The following PIEZO2 variants were observed in gnomAD, a reference collection of about 807,000 sequenced individuals.
PIEZO2 encodes piezo type mechanosensitive ion channel component 2.
In PIEZO2, 172 loss-of-function variants were observed where a neutral mutation model predicts 337.3. The observed-to-expected ratio is 0.51, with a 90% CI of 0.45 to 0.58. The LOEUF is 0.58. Ranked by LOEUF, PIEZO2 falls within the 20% of genes least tolerant of loss-of-function variation. PIEZO2 has a pLI of 0.00. For synonymous variants in PIEZO2, 1,251 were observed against 1,228.5 expected (o/e 1.02, Z -0.38); for missense variants, 3,028 against 3,391.3 (o/e 0.89, Z 2.66).
intron 2 of PIEZO2, among the ~76,000 whole-genome samples, chr18:11,051,600 T>G (rs1233405595): frequency 6.6e-6 from 1 of 152,144 alleles, no homozygotes; most frequent in Non-Finnish European, 1.5e-5. Flanking sequence ...GAGCACATAT[T>G]CACAAAGATA....
chr18:10,678,923 G>A (rs941937965), intron 52 of PIEZO2, among the ~76,000 whole-genome samples: 6 of 151,012 alleles, frequency 4.0e-5, no homozygotes, highest in African/African-American at 1.5e-4. Context: ...GCCTCCAGAG[G>A]CTGCAATTTC....
chr18:10,708,223 G>T (rs574360294), intron 40 of PIEZO2, 52 bp downstream of exon 40: 4 of 74,940 alleles, frequency 5.3e-5, no homozygotes, highest in Non-Finnish European at 8.1e-5. Flanking sequence ...TGACATAAAG[G>T]GGGGGAAGAG....
chr18:10,850,908 C>A lies in PIEZO2; in HGVS notation c.917+4445G>T, dbSNP rs2041528021. Reference sequence around the variant, plus strand: ...AGTATAACAGTGTGACAAAAAATATCAATTCAATATTTCTAAAAATAAGGT... The same window carrying A: ...AGTATAACAGTGTGACAAAAAATATAAATTCAATATTTCTAAAAATAAGGT... On this transcript the variant is annotated intron_variant, in intron 7 of 55. Coordinates refer to ENST00000674853, the MANE Select transcript of PIEZO2 (RefSeq NM_001378183.1). This position sits in a 1 kb window ranked among gnomAD's most constrained non-coding sequence, Gnocchi z 4.5. Among the ~76,000 whole-genome samples the A allele has an allele frequency of 6.6e-6, 1 of 152,066 alleles. No homozygotes were observed. The highest frequency in any genetic ancestry group is 2.4e-5 in the African/African-American group (1 of 41,410).
intron 7 of PIEZO2, among the ~76,000 whole-genome samples, chr18:10,816,610 A>G (rs1359064399): frequency 1.3e-5 from 2 of 152,198 alleles, no homozygotes; most frequent in African/African-American, 4.8e-5. Context: ...CTAAATACCC[A>G]ATAAAAATCT....
intron 55 of PIEZO2, 80 bp from the exon 56 acceptor site, chr18:10,671,859 T>C: frequency 1.6e-6 from 2 of 1,271,960 alleles, no homozygotes; most frequent in South Asian, 3.6e-5. Flanking sequence ...AAGAAAAAAA[T>C]ATTACTTTCC....
intron 40 of PIEZO2, among the ~76,000 whole-genome samples, chr18:10,706,198 A>G (rs941291508): frequency 2.0e-5 from 3 of 152,156 alleles, no homozygotes; most frequent in Admixed American, 6.5e-5. Context: ...CCTCCATCCT[A>G]CACAACAGAC....
At chr18:10,849,060 G>A (rs1193975811) in intron 7 of PIEZO2, among the ~76,000 whole-genome samples, 1 of 152,162 alleles carries the variant, frequency 6.6e-6, no homozygotes, top group African/African-American at 2.4e-5. Flanking sequence ...AAGCTGGAGT[G>A]CAGTGACACG....
At chr18:10,938,615 T>A (rs891574192) in intron 3 of PIEZO2, among the ~76,000 whole-genome samples, 2 of 152,236 alleles carry the variant, frequency 1.3e-5, no homozygotes, top group African/African-American at 4.8e-5. Flanking sequence ...TAAAATATAT[T>A]GTTCTAATAG....
intron 47 of PIEZO2, among the ~76,000 whole-genome samples, chr18:10,694,674 T>C (rs2035004605): frequency 6.6e-6 from 1 of 151,770 alleles, no homozygotes; most frequent in Non-Finnish European, 1.5e-5. Context: ...CTACAAAAAA[T>C]AAAAATAAAA....
chr18:10,980,576 A>G lies in PIEZO2; in HGVS notation c.161-916T>C, dbSNP rs949594970. Among the ~76,000 whole-genome samples, 3 of 152,230 alleles carry G rather than the reference A, an allele frequency of 2.0e-5. No homozygotes were observed. The highest frequency in any genetic ancestry group is 7.2e-5 in the African/African-American group (3 of 41,462). ...TTAACTAGACTTATTTGCAGATAATATGATCAAATGGAATTATTTTCAGAT... is the reference window on the plus strand; with the variant it reads ...TTAACTAGACTTATTTGCAGATAATGTGATCAAATGGAATTATTTTCAGAT... On this transcript the variant is annotated intron_variant, in intron 2 of 55. Coordinates refer to ENST00000674853, the MANE Select transcript of PIEZO2 (RefSeq NM_001378183.1). The surrounding 1 kb of genome is among the most constrained non-coding windows in gnomAD (Gnocchi z 4.8).
chr18:10,671,264 A>G lies in PIEZO2; in HGVS notation c.*263T>C. ...CATAAATGATTCCTTCACATGATCA[A>G]TCAGAATGCGAGACACTGTTGACTA... is the stretch of plus-strand genomic sequence containing the variant. On this transcript the variant is annotated 3_prime_UTR_variant, in exon 56 of 56. Coordinates refer to ENST00000674853, the MANE Select transcript of PIEZO2 (RefSeq NM_001378183.1). 1 of 316,256 alleles carries G rather than the reference A, an allele frequency of 3.2e-6. No homozygotes were observed. Among genetic ancestry groups the G allele is most frequent in the Non-Finnish European group, 5.8e-6 (1 of 170,968 alleles). 19.6% of individuals were successfully genotyped at this position (316,256 alleles called of 1,614,324 possible).
chr18:10,731,215 A>ATATATATATATATGTATATATATCTATC (rs1290190163), intron 36 of PIEZO2, among the ~76,000 whole-genome samples, 192 bp downstream of exon 36: 10 of 128,736 alleles, frequency 7.8e-5, no homozygotes, highest in African/African-American at 2.6e-4. Flanking sequence ...ATATATATAT[A>ATATATATATATATGTATATATATCTATC]TATCTCCTAA....
chr18:11,015,144 C>T (rs1230828734), intron 2 of PIEZO2, among the ~76,000 whole-genome samples: 4 of 142,464 alleles, frequency 2.8e-5, no homozygotes, highest in African/African-American at 1.1e-4. Context: ...CTGGGTGAGA[C>T]AGCGATCCAT....
chr18:10,854,334 T>G lies in PIEZO2; in HGVS notation c.917+1019A>C, dbSNP rs2041640491. Among the ~76,000 whole-genome samples the G allele has an allele frequency of 1.3e-5, 2 of 152,192 alleles. No individual in the cohort carries two copies. Among genetic ancestry groups the G allele is most frequent in the Non-Finnish European group, 2.9e-5 (2 of 68,040 alleles). On this transcript the variant is annotated intron_variant, in intron 7 of 55. Transcript: ENST00000674853. The surrounding 1 kb of genome is among the most constrained non-coding windows in gnomAD (Gnocchi z 4.6). The stretch of plus-strand genomic sequence containing the variant: ...GATATTGATCACACCTTTGGAAAGA[T>G]GTTATTTTTTTTCTTTGCAATTAGC...
At chr18:10,842,415 G>T (rs2144613728) in intron 7 of PIEZO2, among the ~76,000 whole-genome samples, 1 of 152,288 alleles carries the variant, frequency 6.6e-6, no homozygotes, top group African/African-American at 2.4e-5. Flanking sequence ...TCCATGAAGG[G>T]TTGGGGAGGG....
rs1393891760 is a variant in PIEZO2 at position 11,070,231 on chromosome 18, T to G, written c.65-4009A>C. ...AATACTATAGACAACTGTAATACAA[T>G]GGTAAGGATTTATGTATCTAAACAT... On this transcript the variant is annotated intron_variant, in intron 1 of 55. Coordinates refer to ENST00000674853, the MANE Select transcript of PIEZO2 (RefSeq NM_001378183.1). The surrounding 1 kb of genome is among the most constrained non-coding windows in gnomAD (Gnocchi z 4.3). Among the ~76,000 whole-genome samples the G allele has an allele frequency of 6.6e-6, 1 of 152,170 alleles. No individual in the cohort carries two copies. Among genetic ancestry groups the G allele is most frequent in the South Asian group, 2.1e-4 (1 of 4,828 alleles).
At chr18:10,679,044 T>C (rs968787776) in intron 52 of PIEZO2, among the ~76,000 whole-genome samples, 1 of 151,720 alleles carries the variant, frequency 6.6e-6, no homozygotes, top group South Asian at 2.1e-4. Context: ...GTGATTCTCC[T>C]GCCTCAGCCT....
At chr18:11,040,111 A>G (rs1326157702) in intron 2 of PIEZO2, among the ~76,000 whole-genome samples, 1 of 22,070 alleles carries the variant, frequency 4.5e-5, no homozygotes, top group Non-Finnish European at 1.3e-4. Flanking sequence ...TACCATCTGA[A>G]AAAAAAAAAA....
chr18:10,725,062 G>T, intron 36 of PIEZO2: 1 of 1,543,890 alleles, frequency 6.5e-7, no homozygotes. Context: ...AACCAACGTG[G>T]ACCGTGAGGG....
Sources: allele counts gnomAD v4.1 joint callset (sites outside exome capture counted in the v4.1 genomes callset), GRCh38; gene constraint gnomAD v4.1.1; non-coding constraint Gnocchi (gnomAD v3.1); transcripts MANE v1.5; gene names NCBI Gene and HGNC (gene_info 2026-07-23, HGNC 2026-07-21).